SH3BP5: variants seen among roughly 807,000 people sequenced by gnomAD.
SH3BP5 encodes the protein SH3 domain-binding protein 5.
SH3BP5 carries 22 observed loss-of-function variants against 43.3 expected under a neutral mutation model. The observed-to-expected ratio is 0.51, with a 90% CI of 0.36 to 0.73. SH3BP5 has a LOEUF of 0.73. Among genes scored for constraint, SH3BP5 ranks in the 30% least tolerant of loss-of-function variants. The pLI is 0.00. For missense variants in SH3BP5, 529 were observed against 586.9 expected (o/e 0.90, Z 1.02); for synonymous variants, 255 against 225.8 (o/e 1.13, Z -1.16).
chr3:15,311,244 C>T (rs1410292441), intron 2 of SH3BP5, among the ~76,000 whole-genome samples: 1 of 152,146 alleles, frequency 6.6e-6, no homozygotes, highest in Non-Finnish European at 1.5e-5. Flanking sequence ...ACAGGCTCAG[C>T]CAGAATTTCC....
At chr3:15,307,762 T>C (rs1430692382) in intron 2 of SH3BP5, among the ~76,000 whole-genome samples, 2 of 152,252 alleles carry the variant, frequency 1.3e-5, no homozygotes, top group Non-Finnish European at 2.9e-5. Flanking sequence ...CTCGCATGCA[T>C]GACCGCATCC....
intron 3 of SH3BP5, among the ~76,000 whole-genome samples, chr3:15,291,121 T>C (rs1429269167): frequency 8.5e-5 from 13 of 152,184 alleles, no homozygotes; most frequent in Admixed American, 8.5e-4. Flanking sequence ...CTCCTTATCT[T>C]AGAAACTCAA....
intron 2 of SH3BP5, among the ~76,000 whole-genome samples, chr3:15,313,301 C>T (rs910964858): frequency 2.6e-5 from 4 of 152,060 alleles, no homozygotes; most frequent in Admixed American, 6.6e-5. Flanking sequence ...TAAAAGACAA[C>T]GTGGAATAAA....
upstream of SH3BP5, among the ~76,000 whole-genome samples, chr3:15,336,905 C>G (rs1445488131): frequency 1.3e-5 from 2 of 152,046 alleles, no homozygotes; most frequent in Non-Finnish European, 2.9e-5. Flanking sequence ...ACACTACAGT[C>G]AACCACAACT....
chr3:15,332,454 C>CG lies in SH3BP5; in HGVS notation c.-47dup. The CG allele has an allele frequency of 6.8e-7, 1 of 1,467,032 alleles. No homozygotes were observed. Among genetic ancestry groups the CG allele is most frequent in the Non-Finnish European group, 9.0e-7 (1 of 1,115,602 alleles). 90.9% of individuals were successfully genotyped at this position (1,467,032 alleles called of 1,614,324 possible). On this transcript the variant is annotated 5_prime_UTR_variant, in exon 1 of 9. Transcript: ENST00000383791. Reference sequence around the variant, plus strand: ...CCGCGCAGTGGGCTCCGGAGCGCCCCGGGGGTCGCGGCTGCCACAGGCTGG... The same window carrying CG: ...CCGCGCAGTGGGCTCCGGAGCGCCCCGGGGGGTCGCGGCTGCCACAGGCTGG...
upstream of SH3BP5, among the ~76,000 whole-genome samples, chr3:15,335,664 G>A (rs1428890620): frequency 6.6e-6 from 1 of 152,162 alleles, no homozygotes; most frequent in Non-Finnish European, 1.5e-5. Flanking sequence ...TTTTCTACAG[G>A]GGACATAAGC....
chr3:15,255,880 C>A lies in SH3BP5; in HGVS notation c.*206G>T. 1 of 568,906 alleles carries A rather than the reference C, an allele frequency of 1.8e-6. No homozygotes were observed. Among genetic ancestry groups the A allele is most frequent in the Non-Finnish European group, 3.1e-6 (1 of 319,858 alleles). The allele number at this position is 568,906 out of a possible 1,614,324, so 35.2% of individuals were successfully genotyped here. ...GGCTGTGAACCTAGTCACAGTCTAC[C>A]CACAACAAGAACTCTGCTCTGAAAA... On this transcript the variant is annotated 3_prime_UTR_variant, in exon 9 of 9. Coordinates refer to ENST00000383791, the MANE Select transcript of SH3BP5 (RefSeq NM_004844.5).
At chr3:15,257,846 T>G (rs778333962) in intron 7 of SH3BP5, among the ~76,000 whole-genome samples, 2 of 152,162 alleles carry the variant, frequency 1.3e-5, no homozygotes, top group Non-Finnish European at 2.9e-5. Context: ...TTCCCCCCCT[T>G]TCTCTTTAAA....
chr3:15,332,222 G>T, intron 1 of SH3BP5, 49 bp downstream of exon 1: 2 of 1,548,538 alleles, frequency 1.3e-6, no homozygotes, highest in South Asian at 1.2e-5. Flanking sequence ...ACCGACCTCC[G>T]TAGCAGCCCT....
intron 1 of SH3BP5, among the ~76,000 whole-genome samples, chr3:15,339,179 T>G (rs186936603): frequency 1.0e-3 from 154 of 152,324 alleles, no homozygotes; most frequent in African/African-American, 3.6e-3. Context: ...TCTGTTTAAT[T>G]TAGCGATTCA....
intron 3 of SH3BP5, among the ~76,000 whole-genome samples, chr3:15,272,527 CTAAAGACATTACAAAACAGAGTGCCTG>C (rs1696832072): frequency 2.3e-4 from 27 of 119,480 alleles, no homozygotes; most frequent in African/African-American, 6.5e-4. Flanking sequence ...ATTTGAGACT[CTAAAGACATTACAAAACAGAGTGCCTG>C]TAGGATAAAG....
chr3:15,333,590 A>T (rs1366631768), upstream of SH3BP5, among the ~76,000 whole-genome samples: 6 of 152,196 alleles, frequency 3.9e-5, no homozygotes, highest in Admixed American at 3.9e-4. Flanking sequence ...GGATCACTTG[A>T]GGCCAGGAGT....
intron 3 of SH3BP5, among the ~76,000 whole-genome samples, chr3:15,283,752 G>A (rs1300807093): frequency 6.6e-6 from 1 of 152,184 alleles, no homozygotes; most frequent in Non-Finnish European, 1.5e-5. Context: ...GCACTTTCAA[G>A]GAGAGCCAAA....
chr3:15,321,196 T>C (rs1698316543), intron 2 of SH3BP5, among the ~76,000 whole-genome samples: 1 of 152,188 alleles, frequency 6.6e-6, no homozygotes, highest in Non-Finnish European at 1.5e-5. Context: ...ATACACAGAG[T>C]AACTAAGTTC....
chr3:15,338,106 C>A (rs1244577717), intron 1 of SH3BP5, among the ~76,000 whole-genome samples: 1 of 151,498 alleles, frequency 6.6e-6, no homozygotes, highest in Non-Finnish European at 1.5e-5. Context: ...CTTTGGGAGG[C>A]CAATGTGGGA....
intron 3 of SH3BP5, 50 bp downstream of exon 3, chr3:15,304,053 G>T: frequency 6.7e-7 from 1 of 1,495,014 alleles, no homozygotes. Context: ...CCTTAAAACT[G>T]AGGGGTAGTG....
At chr3:15,307,488 T>C (rs1697942106) in intron 2 of SH3BP5, among the ~76,000 whole-genome samples, 1 of 152,250 alleles carries the variant, frequency 6.6e-6, no homozygotes, top group Admixed American at 6.5e-5. Flanking sequence ...GAACCATTTG[T>C]ATTACCTATA....
intron 3 of SH3BP5, among the ~76,000 whole-genome samples, chr3:15,291,565 C>T (rs556683727): frequency 6.6e-6 from 1 of 152,272 alleles, no homozygotes; most frequent in Non-Finnish European, 1.5e-5. Flanking sequence ...GCCAATCTTA[C>T]TTCTGGCTTA....
intron 2 of SH3BP5, among the ~76,000 whole-genome samples, chr3:15,321,250 T>A (rs530177747): frequency 6.6e-5 from 10 of 152,288 alleles, no homozygotes; most frequent in Admixed American, 2.0e-4. Context: ...TTCCATTATA[T>A]CTTGATTTAT....
Sources: gnomAD v4.1 joint callset for allele counts (sites outside exome capture counted in the v4.1 genomes callset) on GRCh38, gnomAD v4.1.1 for gene constraint, MANE v1.5 for transcripts, NCBI Gene and HGNC (gene_info 2026-07-23, HGNC 2026-07-21) for gene names.